JADE2: variants seen among roughly 807,000 people sequenced by gnomAD.
JADE2 encodes the protein E3 ubiquitin-protein ligase Jade-2.
JADE2 carries 13 observed loss-of-function variants against 85.7 expected under a neutral mutation model. The ratio of observed to expected loss-of-function variants is 0.15; its 90% CI spans 0.10 to 0.24. The LOEUF is 0.24. JADE2 is among the 10% of genes least tolerant of loss of function. The pLI is 1.00. For synonymous variants in JADE2, 440 were observed against 456.1 expected, an observed-to-expected ratio of 0.96 and a Z score of 0.45; for missense variants, 846 against 1,115.9, an observed-to-expected ratio of 0.76 and a Z score of 3.45.
At position 134,566,383 on chromosome 5, in the gene JADE2, G is replaced by A. The variant is rs1219035300; in HGVS notation, c.1237G>A (p.Val413Met). 1 of 1,614,084 alleles carries A rather than the reference G, an allele frequency of 6.2e-7. No individual in the cohort carries two copies. The highest frequency in any genetic ancestry group is 8.5e-7 in the Non-Finnish European group (1 of 1,180,008). The change falls in exon 9 of 12, where the codon GTG becomes ATG. Residue 413 changes from valine to methionine, a missense_variant. By Grantham distance (21) the Val-to-Met change is conservative. Transcript: ENST00000681547. The surrounding 1 kb of genome is among the most constrained non-coding windows in gnomAD (Gnocchi z 6.7). Reference protein sequence around the residue: ...DFYELVEPAEVAERLDLAEAL... With the variant: ...DFYELVEPAEMAERLDLAEAL... ...CTACGAGCTGGTGGAGCCGGCTGAG[G>A]TGGCTGAGCGGCTGGACCTGGCTGA...
chr5:134,557,405 G>T (rs1763045830), intron 4 of JADE2, among the ~76,000 whole-genome samples: 10 of 82,884 alleles, frequency 1.2e-4, no homozygotes, highest in African/African-American at 2.3e-4. Flanking sequence ...TATACTCTAA[G>T]TTTTAGGGTA....
chr5:134,573,930 G>A, intron 10 of JADE2, 168 bp downstream of exon 10: 1 of 700,382 alleles, frequency 1.4e-6, no homozygotes, highest in Non-Finnish European at 2.6e-6. Flanking sequence ...CCCAGACGGG[G>A]GCCTGCAAGG....
At chr5:134,572,816 C>T (rs981464702) in intron 9 of JADE2, among the ~76,000 whole-genome samples, 1 of 152,234 alleles carries the variant, frequency 6.6e-6, no homozygotes, top group Non-Finnish European at 1.5e-5. Flanking sequence ...GTGGGACCAC[C>T]TATAAGAAGG....
In JADE2 at chr5:134,535,865, A is replaced by G; in HGVS notation, c.8A>G (p.Glu3Gly). ...GCTTGCCTTTTGTTGCAGATGGAAG[A>G]GAAGAGGCGAAAATACTCCATCAGC... ME[E>G]KRRKYSISSD... is the part of the protein sequence containing the mutation. The change falls in exon 2 of 12, where the codon GAG becomes GGG. Residue 3 changes from glutamate (E) to glycine (G), a missense_variant. Physicochemically the swap from Glu to Gly is moderately conservative, Grantham distance 98. This residue lies in a region of JADE2 where 47 missense variants were observed against 42.2 expected (regional missense o/e 1.11). Coordinates refer to ENST00000681547, the MANE Select transcript of JADE2 (RefSeq NM_001388185.1). The G allele has an allele frequency of 6.2e-7, 1 of 1,614,030 alleles. No homozygotes were observed. The highest frequency in any genetic ancestry group is 1.7e-4 in the Middle Eastern group (1 of 6,060).
Position 134,525,890 on chromosome 5 carries a change from GC to G in JADE2, c.-116del. On this transcript the variant is annotated 5_prime_UTR_variant, in exon 1 of 12. The change abolishes the stop of an existing upstream ORF in the 5' untranslated region. Transcript: ENST00000681547. ...TCGCCGCGACCCCGGATGGATGCGC[GC>G]CCCCCGCCCTCCCGCGCCGGCCCCA... The G allele has an allele frequency of 1.0e-5, 10 of 985,776 alleles. No homozygotes were observed. Among genetic ancestry groups the G allele is most frequent in the Non-Finnish European group, 1.2e-5 (10 of 830,330 alleles). 61.1% of individuals were successfully genotyped at this position (985,776 alleles called of 1,614,324 possible).
intron 3 of JADE2, among the ~76,000 whole-genome samples, chr5:134,539,216 C>T (rs1044690330): frequency 2.0e-5 from 3 of 152,026 alleles, no homozygotes; most frequent in South Asian, 2.1e-4. Flanking sequence ...CGCCCGCCAC[C>T]ACACCCGGCT....
In JADE2 at chr5:134,578,089, G is replaced by C. The variant is rs1764497284; in HGVS notation, c.1682-405G>C. On this transcript the variant is annotated intron_variant, in intron 11 of 11. Coordinates refer to ENST00000681547, the MANE Select transcript of JADE2 (RefSeq NM_001388185.1). The surrounding 1 kb of genome is among the most constrained non-coding windows in gnomAD (Gnocchi z 4.4). ...CAGTGCCACGGGGTCCTTGTTCTTGGTTAATGCTCTGCTGCTGCCACCTTG... is the reference window on the plus strand; with the variant it reads ...CAGTGCCACGGGGTCCTTGTTCTTGCTTAATGCTCTGCTGCTGCCACCTTG... 6.6e-6 allele frequency among the ~76,000 whole-genome samples: 1 copy of C among 152,212 alleles called. No homozygotes were observed. Among genetic ancestry groups the C allele is most frequent in the African/African-American group, 2.4e-5 (1 of 41,456 alleles).
intron 3 of JADE2, among the ~76,000 whole-genome samples, chr5:134,542,040 T>C (rs1561733014): frequency 6.6e-6 from 1 of 152,190 alleles, no homozygotes. Context: ...GGCCCTGGGA[T>C]TCTTGGGAGG....
chr5:134,551,807 CT>C (rs1207628530), intron 3 of JADE2, among the ~76,000 whole-genome samples: 18 of 152,286 alleles, frequency 1.2e-4, no homozygotes, highest in African/African-American at 4.3e-4. Flanking sequence ...AAACTCTGTC[CT>C]TTAATAGGTC....
At chr5:134,530,724 G>T (rs1166335470) in intron 1 of JADE2, among the ~76,000 whole-genome samples, 1 of 152,216 alleles carries the variant, frequency 6.6e-6, no homozygotes, top group Admixed American at 6.5e-5. Context: ...CCCTATTACT[G>T]AGTTGACATT....
intron 6 of JADE2, among the ~76,000 whole-genome samples, chr5:134,561,511 C>T (rs1444004639): frequency 6.6e-6 from 1 of 151,856 alleles, no homozygotes; most frequent in African/African-American, 2.4e-5. Context: ...TGCAGCCTGG[C>T]CAGGCTCCCC....
intron 1 of JADE2, chr5:134,526,736 G>T: frequency 1.0e-6 from 1 of 985,482 alleles, no homozygotes; most frequent in Non-Finnish European, 1.2e-6. Flanking sequence ...TTTTTTTGGA[G>T]GGGCGGGGGA....
At chr5:134,561,846 G>A (rs1011454745) in intron 6 of JADE2, among the ~76,000 whole-genome samples, 2 of 152,140 alleles carry the variant, frequency 1.3e-5, no homozygotes, top group Admixed American at 6.5e-5. Context: ...TTTCCAGGAA[G>A]TACACACCCA....
In JADE2 at chr5:134,533,965, C is replaced by T. The variant is rs577843611; in HGVS notation, c.1-1893C>T. Among the ~76,000 whole-genome samples the T allele has an allele frequency of 1.6e-4, 24 of 152,114 alleles. No homozygotes were observed. In the East Asian group the frequency reaches 2.3e-3, roughly 15 times the overall value. ...CCCCCTACGTTCCCCAGGCTGGTCT[C>T]GATCTCTTGGGCTCAAGAAATCCTC... On this transcript the variant is annotated intron_variant, in intron 1 of 11. Coordinates refer to ENST00000681547, the MANE Select transcript of JADE2 (RefSeq NM_001388185.1).
At chr5:134,544,598 TG>T (rs924897657) in intron 3 of JADE2, 18 of 166,198 alleles carry the variant, frequency 1.1e-4, no homozygotes, top group African/African-American at 4.1e-4. Flanking sequence ...GCTGGAAGCC[TG>T]GATGGTGGGA....
chr5:134,573,768 C>T lies in JADE2; in HGVS notation c.1552+6C>T, dbSNP rs766657238. The T allele has an allele frequency of 1.7e-5, 26 of 1,563,248 alleles. No individual in the cohort carries two copies. The highest frequency in any genetic ancestry group is 2.7e-5 in the African/African-American group (2 of 74,010). ...TGAACAGGATCTGTGTCGAGGTAGG[C>T]GCCTTCCCCACCTGCCGCCGCCACC... On this transcript the variant is annotated splice_donor_region_variant and intron_variant, in intron 10 of 11. Transcript: ENST00000681547.
In JADE2 at chr5:134,578,478, T is replaced by G; in HGVS notation, c.1682-16T>G. On this transcript the variant is annotated splice_polypyrimidine_tract_variant and intron_variant, in intron 11 of 11. Transcript: ENST00000681547. This position sits in a 1 kb window ranked among gnomAD's most constrained non-coding sequence, Gnocchi z 4.4. ...CACGTCTGCTGGCGTCTCACTTGCC[T>G]CCTCTCTCCCCTCAGCAGGCCTGTC... The G allele has an allele frequency of 1.9e-6, 3 of 1,547,192 alleles. No homozygotes were observed. The highest frequency in any genetic ancestry group is 2.6e-6 in the Non-Finnish European group (3 of 1,140,630).
intron 1 of JADE2, among the ~76,000 whole-genome samples, chr5:134,530,908 C>T (rs2149854560): frequency 6.6e-6 from 1 of 152,240 alleles, no homozygotes; most frequent in South Asian, 2.1e-4. Context: ...GGGGAGGGAG[C>T]GAGAGCACAC....
In JADE2 at chr5:134,559,826, C is replaced by G. The variant is rs1234771953; in HGVS notation, c.312-4C>G. 6.2e-7 allele frequency: 1 copy of G among 1,605,566 alleles called. No individual in the cohort carries two copies. On this transcript the variant is annotated splice_polypyrimidine_tract_variant and splice_region_variant and intron_variant, in intron 4 of 11. Coordinates refer to ENST00000681547, the MANE Select transcript of JADE2 (RefSeq NM_001388185.1). Reference sequence around the variant, plus strand: ...CTTCATGACATCCTGTCTTGATTTTCTAGGATCCTCCCACCACTGGAAGGC... The same window carrying G: ...CTTCATGACATCCTGTCTTGATTTTGTAGGATCCTCCCACCACTGGAAGGC...
Sources: allele counts gnomAD v4.1 joint callset (sites outside exome capture counted in the v4.1 genomes callset), GRCh38; gene constraint gnomAD v4.1.1; regional missense constraint gnomAD v4.1.1; non-coding constraint Gnocchi (gnomAD v3.1); transcripts MANE v1.5; gene names NCBI Gene and HGNC (gene_info 2026-07-23, HGNC 2026-07-21).